Variants in ROBO1 observed in about 807,000 individuals in gnomAD.
ROBO1 encodes the protein roundabout homolog 1.
Under a neutral mutation model 195.9 loss-of-function variants are expected in ROBO1, and 149 were observed. That is an observed-to-expected ratio of 0.76 (90% CI 0.67 to 0.87). ROBO1 has a LOEUF of 0.87. Ranked by LOEUF, ROBO1 falls within the 40% of genes least tolerant of loss-of-function variation. The pLI is 0.00. For synonymous variants in ROBO1, 816 were observed against 733.2 expected, an observed-to-expected ratio of 1.11 and a Z score of -1.82; for missense variants, 1,933 against 2,068.3, an observed-to-expected ratio of 0.93 and a Z score of 1.27.
chr3:79,067,207 T>C (rs1237453391), intron 3 of ROBO1, among the ~76,000 whole-genome samples: 1 of 151,884 alleles, frequency 6.6e-6, no homozygotes, highest in Admixed American at 6.6e-5. Context: ...GGAGAGCATA[T>C]AATACTTATG....
intron 2 of ROBO1, among the ~76,000 whole-genome samples, chr3:79,422,215 T>C (rs1453131968): frequency 1.3e-5 from 2 of 149,008 alleles, no homozygotes; most frequent in African/African-American, 4.9e-5. Context: ...TATTATATAT[T>C]TTATGTATCA....
chr3:79,332,538 T>C (rs545897863), intron 2 of ROBO1, among the ~76,000 whole-genome samples: 2 of 152,294 alleles, frequency 1.3e-5, no homozygotes, highest in South Asian at 4.1e-4. Context: ...GGATGTATCT[T>C]TACTTGTTTT....
intron 4 of ROBO1, among the ~76,000 whole-genome samples, chr3:78,775,898 C>T (rs333473): frequency 0.96 from 146,283 of 152,260 alleles, 70,514 homozygotes; most frequent in East Asian, 1. Flanking sequence ...CTCTCAGTAG[C>T]TGACCTCAGC....
chr3:79,458,635 A>G (rs1226754934), intron 2 of ROBO1, among the ~76,000 whole-genome samples: 1 of 152,146 alleles, frequency 6.6e-6, no homozygotes, highest in Non-Finnish European at 1.5e-5. Context: ...GAAAAAATAT[A>G]TGGAGACGAG....
chr3:79,169,299 A>G (rs879771883), intron 2 of ROBO1, among the ~76,000 whole-genome samples: 9 of 152,234 alleles, frequency 5.9e-5, no homozygotes, highest in Non-Finnish European at 1.2e-4. Context: ...GATTCCATAC[A>G]AAGGCTTTAA....
intron 3 of ROBO1, among the ~76,000 whole-genome samples, chr3:79,082,097 A>G (rs2079285304): frequency 6.6e-6 from 1 of 152,200 alleles, no homozygotes; most frequent in African/African-American, 2.4e-5. Context: ...TTATAAATTC[A>G]AAGACTTTTA....
chr3:79,483,229 G>A (rs1938964008), intron 2 of ROBO1, among the ~76,000 whole-genome samples: 1 of 152,284 alleles, frequency 6.6e-6, no homozygotes, highest in South Asian at 2.1e-4. Flanking sequence ...AATGGCAGAT[G>A]GCTGAAGTGG....
chr3:79,675,045 C>A (rs924966092), intron 1 of ROBO1, among the ~76,000 whole-genome samples: 1 of 151,768 alleles, frequency 6.6e-6, no homozygotes, highest in Non-Finnish European at 1.5e-5. Context: ...AATATGTTTA[C>A]ATCTGGTTGA....
In ROBO1 at chr3:79,317,411, A is replaced by G. The variant is rs565997547; in HGVS notation, c.89-191872T>C. Among the ~76,000 whole-genome samples the G allele has an allele frequency of 2.2e-3, 330 of 152,210 alleles. 1 individual carries two copies. The highest frequency in any genetic ancestry group is 6.9e-3 in the African/African-American group (288 of 41,532). On this transcript the variant is annotated intron_variant, in intron 2 of 30. Transcript: ENST00000464233. ...CTTTGCTCACTACGCCAGCTTCCAT[A>G]TCTCCATATTTTATTAAATTTTGCT...
chr3:78,912,045 C>G (rs748034293), intron 4 of ROBO1, among the ~76,000 whole-genome samples: 1 of 152,028 alleles, frequency 6.6e-6, no homozygotes, highest in Middle Eastern at 3.4e-3. Context: ...CCAATAACTT[C>G]GTAAGTCTGG....
chr3:79,452,119 G>A lies in ROBO1; in HGVS notation c.88+137705C>T, dbSNP rs374384521. The stretch of plus-strand genomic sequence containing the variant: ...AGTTACCATTGTCTTTAATGACATA[G>A]ATGTCTCCAAATCCACCTTTGTCTC... On this transcript the variant is annotated intron_variant, in intron 2 of 30. Coordinates refer to ENST00000464233, the MANE Select transcript of ROBO1 (RefSeq NM_002941.4). Among the ~76,000 whole-genome samples, 6 of 151,998 alleles carry A rather than the reference G, an allele frequency of 3.9e-5. No homozygotes were observed. The South Asian group carries it at 8.3e-4, about 21-fold the overall frequency.
At position 78,796,839 on chromosome 3, in the gene ROBO1, A is replaced by G. The variant is rs370539426; in HGVS notation, c.500-49939T>C. Among the ~76,000 whole-genome samples the G allele has an allele frequency of 2.6e-4, 40 of 152,304 alleles. 2 individuals are homozygous for G. In the East Asian group the frequency reaches 3.1e-3, roughly 12 times the overall value. On this transcript the variant is annotated intron_variant, in intron 4 of 30. Coordinates refer to ENST00000464233, the MANE Select transcript of ROBO1 (RefSeq NM_002941.4). ...GAGTGTTCTGTCTAATGAATCTTTG[A>G]AAACTGTCACTACCTTGGTCAAAAT...
At chr3:79,122,642 G>T (rs945444306) in intron 3 of ROBO1, among the ~76,000 whole-genome samples, 3 of 151,896 alleles carry the variant, frequency 2.0e-5, no homozygotes, top group Non-Finnish European at 4.4e-5. Context: ...CGTTAAATGG[G>T]TCAGTTTGAT....
At chr3:79,361,232 G>A (rs185310317) in intron 2 of ROBO1, among the ~76,000 whole-genome samples, 15 of 151,786 alleles carry the variant, frequency 9.9e-5, no homozygotes, top group Middle Eastern at 3.4e-3. Context: ...GGGGTATAAC[G>A]TATCTTTTTT....
rs147276451 is a variant in ROBO1 at position 78,932,938 on chromosome 3, C to T, written c.499+5663G>A. Among the ~76,000 whole-genome samples the T allele has an allele frequency of 9.2e-5, 14 of 151,942 alleles. No homozygotes were observed. The East Asian group carries it at 2.7e-3, about 29-fold the overall frequency. On this transcript the variant is annotated intron_variant, in intron 4 of 30. Coordinates refer to ENST00000464233, the MANE Select transcript of ROBO1 (RefSeq NM_002941.4). ...AAGCTTATAAATCATCTTAGTTGAC[C>T]TGTGATGGATAATAAAAAAGGAAAT...
chr3:79,617,211 T>G (rs1171517805), intron 1 of ROBO1, among the ~76,000 whole-genome samples: 2 of 152,274 alleles, frequency 1.3e-5, no homozygotes, highest in East Asian at 3.9e-4. Context: ...TAGTATGTGC[T>G]TCTGGTCATC....
chr3:79,188,548 GCA>G (rs148120880), intron 2 of ROBO1, among the ~76,000 whole-genome samples: 21 of 149,778 alleles, frequency 1.4e-4, no homozygotes, highest in East Asian at 5.9e-4. Context: ...CTTTGCACAC[GCA>G]CACACACACA....
chr3:78,995,606 T>C (rs1217689834), intron 3 of ROBO1, among the ~76,000 whole-genome samples: 2 of 151,766 alleles, frequency 1.3e-5, no homozygotes, highest in Non-Finnish European at 2.9e-5. Context: ...TTATGTTCTT[T>C]AAAAAATTCT....
At chr3:78,612,352 AT>A (rs879828546) in intron 28 of ROBO1, among the ~76,000 whole-genome samples, 1 of 152,070 alleles carries the variant, frequency 6.6e-6, no homozygotes, top group Admixed American at 6.6e-5. Context: ...AGCTCTTTAA[AT>A]TTTTTCTTCC....
Sources: gnomAD v4.1 joint callset for allele counts (sites outside exome capture counted in the v4.1 genomes callset) on GRCh38, gnomAD v4.1.1 for gene constraint, MANE v1.5 for transcripts, NCBI Gene and HGNC (gene_info 2026-07-23, HGNC 2026-07-21) for gene names.